Variants in CLIC6 observed in about 807,000 individuals in gnomAD.
CLIC6 encodes the protein chloride intracellular channel protein 6.
A neutral mutation model predicts 49.2 loss-of-function variants in CLIC6; 39 were observed. The observed-to-expected ratio is 0.79, with a 90% CI of 0.61 to 1.04. CLIC6 has a LOEUF of 1.04. CLIC6 is among the 50% of genes least tolerant of loss of function. CLIC6 has a pLI of 0.00. For synonymous variants in CLIC6, 446 were observed against 433.4 expected (o/e 1.03, Z -0.36); for missense variants, 988 against 993.1 (o/e 0.99, Z 0.07).
chr21:34,715,817 T>A (rs2056082340), intron 5 of CLIC6, among the ~76,000 whole-genome samples: 1 of 152,188 alleles, frequency 6.6e-6, no homozygotes, highest in Non-Finnish European at 1.5e-5. Context: ...GGCCCCACGA[T>A]CAGACGATGC....
Position 34,669,403 on chromosome 21 carries a change from G to A in CLIC6, c.15G>A (p.Ala5=), listed in dbSNP as rs1434762785. Residue 5 remains alanine, a synonymous_variant, in exon 1 of 6, where the codon GCG becomes GCA. Transcript: ENST00000349499. The part of the protein sequence containing the change: MAEA[A]EPEGVAPGPQ... ...GATCTGCGGCCATGGCCGAGGCCGC[G>A]GAGCCGGAGGGGGTTGCCCCGGGTC... is the stretch of plus-strand genomic sequence containing the variant. The A allele has an allele frequency of 8.1e-7, 1 of 1,236,520 alleles. No homozygotes were observed. The highest frequency in any genetic ancestry group is 4.0e-5 in the South Asian group (1 of 24,726). The allele number at this position is 1,236,520 out of a possible 1,614,324, so 76.6% of individuals were successfully genotyped here.
chr21:34,686,084 T>C (rs1989871857), intron 1 of CLIC6, among the ~76,000 whole-genome samples: 1 of 152,196 alleles, frequency 6.6e-6, no homozygotes, highest in Non-Finnish European at 1.5e-5. Flanking sequence ...ACTAAAATGC[T>C]CAAAGCATTT....
chr21:34,707,810 T>A (rs1273330229), intron 2 of CLIC6, 134 bp from the exon 3 acceptor site: 1 of 903,466 alleles, frequency 1.1e-6, no homozygotes, highest in African/African-American at 1.7e-5. Context: ...AGCAAGACAT[T>A]TTCATAAACC....
intron 1 of CLIC6, chr21:34,705,984 T>TA (rs1275361653): frequency 1.2e-5 from 8 of 659,516 alleles, no homozygotes; most frequent in Non-Finnish European, 2.2e-5. Flanking sequence ...ACTCTGTATA[T>TA]TTTTTAAATT....
Position 34,669,858 on chromosome 21 carries a change from G to C in CLIC6, c.470G>C (p.Gly157Ala). The C allele has an allele frequency of 1.4e-6, 2 of 1,408,644 alleles. No homozygotes were observed. The highest frequency in any genetic ancestry group is 1.8e-6 in the Non-Finnish European group (2 of 1,090,560). 87.3% of individuals were successfully genotyped at this position (1,408,644 alleles called of 1,614,324 possible). Residue 157 changes from glycine to alanine, a missense_variant, in exon 1 of 6, where the codon GGG becomes GCG. Physicochemically the swap from Gly to Ala is moderately conservative, Grantham distance 60 (BLOSUM62 0). Coordinates refer to ENST00000349499, the MANE Select transcript of CLIC6 (RefSeq NM_053277.3). ...GAAGGTAGCGCGTCCGGGGAGGCGG[G>C]GGACAGCGTAGACGCGGAGGGCCCG... ...VPEGSASGEA[G>A]DSVDAEGPLG...
At chr21:34,707,470 C>CACA (rs56805539) in intron 2 of CLIC6, 81 bp downstream of exon 2, 143 of 886,506 alleles carry the variant, frequency 1.6e-4, no homozygotes, top group Admixed American at 2.1e-4. Context: ...CACACACACA[C>CACA]CTGAGGCCAA....
chr21:34,691,383 A>G (rs1601274515), intron 1 of CLIC6, among the ~76,000 whole-genome samples: 1 of 152,184 alleles, frequency 6.6e-6, no homozygotes, highest in East Asian at 1.9e-4. Flanking sequence ...CTTGAAGCTT[A>G]AAGCCAAGTT....
At chr21:34,712,756 C>T (rs1195832956) in intron 5 of CLIC6, among the ~76,000 whole-genome samples, 1 of 152,182 alleles carries the variant, frequency 6.6e-6, no homozygotes, top group Admixed American at 6.5e-5. Flanking sequence ...ATCTAGGCCC[C>T]AGCCAGTCAA....
rs146755327 is a variant in CLIC6 at position 34,689,486 on chromosome 21, G to A, written c.1375-17794G>A. 3.1e-3 allele frequency among the ~76,000 whole-genome samples: 479 copies of A among 152,192 alleles called. 1 individual carries two copies. Among genetic ancestry groups the A allele is most frequent in the African/African-American group, 0.011 (459 of 41,534 alleles). ...CGTGCCTTGTATCTCACTACCATTC[G>A]GAGTATTATTGTTTATTATTATGTC... On this transcript the variant is annotated intron_variant, in intron 1 of 5. Transcript: ENST00000349499.
intron 5 of CLIC6, among the ~76,000 whole-genome samples, chr21:34,712,570 C>A (rs1420394704): frequency 6.6e-6 from 1 of 152,026 alleles, no homozygotes; most frequent in Non-Finnish European, 1.5e-5. Flanking sequence ...CTATAGAGAC[C>A]CTTGTTGAGC....
chr21:34,674,170 C>T (rs1032291782), intron 1 of CLIC6, among the ~76,000 whole-genome samples: 2 of 152,148 alleles, frequency 1.3e-5, no homozygotes, highest in African/African-American at 4.8e-5. Context: ...AGGCTGATCT[C>T]CAGCTCCTAG....
chr21:34,677,563 T>C (rs1989696953), intron 1 of CLIC6, among the ~76,000 whole-genome samples: 2 of 152,212 alleles, frequency 1.3e-5, no homozygotes, highest in Non-Finnish European at 2.9e-5. Flanking sequence ...TAGTTCCTTG[T>C]GTTCTGTCTC....
intron 1 of CLIC6, among the ~76,000 whole-genome samples, chr21:34,671,133 A>T (rs1208892242): frequency 9.2e-6 from 1 of 108,758 alleles, no homozygotes; most frequent in Non-Finnish European, 1.9e-5. Flanking sequence ...AAAAAAAAAA[A>T]AAAAAAAAAG....
rs564606305 is a variant in CLIC6 at position 34,717,903 on chromosome 21, G to C, written c.*1421G>C. 1 of 152,308 alleles carries C rather than the reference G, an allele frequency of 6.6e-6. No homozygotes were observed. The highest frequency in any genetic ancestry group is 2.1e-4 in the South Asian group (1 of 4,826). The allele number at this position is 152,308 out of a possible 1,614,324, so 9.4% of individuals were successfully genotyped here. A position where few individuals can be genotyped will look rare whatever the true frequency, so the allele number is the denominator to read the frequency against. On this transcript the variant is annotated 3_prime_UTR_variant, in exon 6 of 6. Coordinates refer to ENST00000349499, the MANE Select transcript of CLIC6 (RefSeq NM_053277.3). Reference sequence around the variant, plus strand: ...ATTAGGTGAAAAATGTCTAGCAAAAGAAACAAAGTCTTTAATAGAGTGGCC... The same window carrying C: ...ATTAGGTGAAAAATGTCTAGCAAAACAAACAAAGTCTTTAATAGAGTGGCC...
chr21:34,689,976 T>G (rs1989959870), intron 1 of CLIC6, among the ~76,000 whole-genome samples: 1 of 152,242 alleles, frequency 6.6e-6, no homozygotes, highest in Admixed American at 6.5e-5. Context: ...ACTCTAGCTC[T>G]CTAGTCTTGA....
chr21:34,689,806 A>G (rs1218647470), intron 1 of CLIC6, among the ~76,000 whole-genome samples: 1 of 152,158 alleles, frequency 6.6e-6, no homozygotes, highest in East Asian at 1.9e-4. Flanking sequence ...TAGGTTTGGC[A>G]GAAGCTTTCG....
Position 34,685,340 on chromosome 21 carries a change from T to C in CLIC6, c.1374+14578T>C, listed in dbSNP as rs148058441. Among the ~76,000 whole-genome samples the C allele has an allele frequency of 4.6e-5, 7 of 152,330 alleles. No homozygotes were observed. In the East Asian group the frequency reaches 1.3e-3, roughly 29 times the overall value. The stretch of plus-strand genomic sequence containing the variant: ...TGGGGTCCTTAGGGTGAAGGCCATA[T>C]GGCCTGTCCAAGACGTCGGCACATC... On this transcript the variant is annotated intron_variant, in intron 1 of 5. Transcript: ENST00000349499.
rs577016415 is a variant in CLIC6, at chr21:34,680,859, C to T, written c.1374+10097C>T. On this transcript the variant is annotated intron_variant, in intron 1 of 5. Coordinates refer to ENST00000349499, the MANE Select transcript of CLIC6 (RefSeq NM_053277.3). ...GTCTGTAGGAAGTTTTGAACTTTCC[C>T]ACAGCTTCCTGTCTTCTGAACCCTC... is the stretch of plus-strand genomic sequence containing the variant. Among the ~76,000 whole-genome samples, 156 of 152,324 alleles carry T rather than the reference C, an allele frequency of 1.0e-3. 4 individuals carry two copies. In the South Asian group the frequency reaches 0.031, roughly 31 times the overall value.
At chr21:34,708,918 G>T (rs912485332) in intron 4 of CLIC6, 112 bp downstream of exon 4, 1 of 751,764 alleles carries the variant, frequency 1.3e-6, no homozygotes, top group Non-Finnish European at 2.2e-6. Context: ...AGAGAAGTGA[G>T]TCTGGAGCTA....
Sources: gnomAD v4.1 joint callset for allele counts (sites outside exome capture counted in the v4.1 genomes callset) on GRCh38, gnomAD v4.1.1 for gene constraint, MANE v1.5 for transcripts, NCBI Gene and HGNC (gene_info 2026-07-23, HGNC 2026-07-21) for gene names.